The following ZNF184 variants were observed in gnomAD, a reference collection of about 807,000 sequenced individuals.
The protein encoded by ZNF184 is zinc finger protein 184 (Kruppel-like).
Under a neutral mutation model 54.4 loss-of-function variants are expected in ZNF184, and 16 were observed. That is an observed-to-expected ratio of 0.29 (90% CI 0.20 to 0.45). The LOEUF is 0.45. ZNF184 is among the 20% of genes least tolerant of loss of function. The pLI is 1.00. For missense variants in ZNF184, 681 were observed against 888.2 expected, an observed-to-expected ratio of 0.77 and a Z score of 2.97; for synonymous variants, 254 against 295.3, an observed-to-expected ratio of 0.86 and a Z score of 1.43.
chr6:27,447,200 C>T (rs1483434309), downstream of ZNF184, among the ~76,000 whole-genome samples: 1 of 151,970 alleles, frequency 6.6e-6, no homozygotes, highest in Non-Finnish European at 1.5e-5. Context: ...TTGACTACAA[C>T]CCACATCTGA....
chr6:27,436,918 A>T, the ZNF184 span, among the ~76,000 whole-genome samples: 1 of 152,218 alleles, frequency 6.6e-6, no homozygotes, highest in African/African-American at 2.4e-5. Context: ...TTGGAGGCAC[A>T]AATAAAATTC....
At position 27,451,309 on chromosome 6, in the gene ZNF184, G is replaced by T; in HGVS notation, c.2250C>A (p.Gly750=). The part of the protein sequence containing the change: ...ALNKHQRLHP[G]I The stretch of plus-strand genomic sequence containing the variant: ...TATGATGTTCCTAGAATTGTCATAT[G>T]CCAGGATGCAGTCTCTGATGTTTGT... The change falls in exon 6 of 6, where the codon GGC becomes GGA. Residue 750 remains glycine, a synonymous_variant. Transcript: ENST00000683788. 1 of 1,586,572 alleles carries T rather than the reference G, an allele frequency of 6.3e-7. No individual in the cohort carries two copies. Among genetic ancestry groups the T allele is most frequent in the South Asian group, 1.2e-5 (1 of 86,886 alleles).
the ZNF184 span, among the ~76,000 whole-genome samples, chr6:27,422,140 C>CA: frequency 2.4e-4 from 7 of 29,350 alleles, 1 homozygote; most frequent in East Asian, 2.3e-3. Context: ...GGCCGTACCT[C>CA]AAAAAAAAAA....
the ZNF184 span, among the ~76,000 whole-genome samples, chr6:27,416,296 A>G: frequency 6.6e-6 from 1 of 152,226 alleles, no homozygotes; most frequent in African/African-American, 2.4e-5. Flanking sequence ...AAGAGATGGC[A>G]TATGTTTAGA....
the ZNF184 span, among the ~76,000 whole-genome samples, chr6:27,434,046 G>T: frequency 2.2e-5 from 3 of 136,216 alleles, no homozygotes; most frequent in Admixed American, 2.4e-4. Flanking sequence ...TTTGAGACAG[G>T]GTCTTGCTTT....
At chr6:27,443,084 G>T in the ZNF184 span, among the ~76,000 whole-genome samples, 2 of 152,234 alleles carry the variant, frequency 1.3e-5, no homozygotes, top group Non-Finnish European at 2.9e-5. Context: ...CACAATGATG[G>T]AATTCACAAG....
chr6:27,422,212 G>GAAAGA, the ZNF184 span, among the ~76,000 whole-genome samples: 211 of 111,994 alleles, frequency 1.9e-3, 6 homozygotes, highest in African/African-American at 5.9e-3. Flanking sequence ...AAGAAAGAAA[G>GAAAGA]AAAGAAAAGA....
At chr6:27,410,084 A>C in the ZNF184 span, among the ~76,000 whole-genome samples, 1 of 152,240 alleles carries the variant, frequency 6.6e-6, no homozygotes, top group Admixed American at 6.5e-5. Flanking sequence ...CATATAGTCT[A>C]GGTGTGTAGT....
the ZNF184 span, among the ~76,000 whole-genome samples, chr6:27,423,670 T>A: frequency 6.6e-6 from 1 of 152,034 alleles, no homozygotes; most frequent in Non-Finnish European, 1.5e-5. Context: ...GCTCAGATCA[T>A]CCCTGGGCAT....
At chr6:27,471,522 T>C (rs889552324) in intron 2 of ZNF184, among the ~76,000 whole-genome samples, 1 of 152,200 alleles carries the variant, frequency 6.6e-6, no homozygotes, top group Non-Finnish European at 1.5e-5. Flanking sequence ...TAGTACATTA[T>C]CCTCTCAGGT....
the ZNF184 span, among the ~76,000 whole-genome samples, chr6:27,411,918 C>T: frequency 6.6e-6 from 1 of 152,146 alleles, no homozygotes. Flanking sequence ...GGTGGGAATC[C>T]CAGTAGGTGA....
chr6:27,446,595 G>A (rs771881051), downstream of ZNF184, among the ~76,000 whole-genome samples: 3 of 152,272 alleles, frequency 2.0e-5, no homozygotes, highest in East Asian at 5.8e-4. Context: ...GTGGAAATGC[G>A]GGGTCAGAGC....
the ZNF184 span, chr6:27,407,961 AT>A: frequency 6.6e-7 from 1 of 1,509,482 alleles, no homozygotes; most frequent in East Asian, 2.3e-5. Flanking sequence ...TGATGGATAC[AT>A]TGACTATGCT....
the ZNF184 span, among the ~76,000 whole-genome samples, chr6:27,424,591 TAC>T: frequency 2.0e-5 from 3 of 152,192 alleles, no homozygotes; most frequent in African/African-American, 7.2e-5. Flanking sequence ...AGTAGCTAGA[TAC>T]AGAGTGTCGA....
intron 3 of ZNF184, among the ~76,000 whole-genome samples, chr6:27,464,516 T>A (rs1490438026): frequency 1.4e-5 from 2 of 147,406 alleles, no homozygotes; most frequent in Admixed American, 6.7e-5. Flanking sequence ...TAAAATAGAA[T>A]CATAAGCATA....
At chr6:27,444,045 T>C in the ZNF184 span, among the ~76,000 whole-genome samples, 2 of 152,212 alleles carry the variant, frequency 1.3e-5, no homozygotes, top group Non-Finnish European at 2.9e-5. Flanking sequence ...TGAAAGGAGA[T>C]ACCCTTTGAG....
At chr6:27,410,197 A>G in the ZNF184 span, among the ~76,000 whole-genome samples, 4 of 152,232 alleles carry the variant, frequency 2.6e-5, no homozygotes. Flanking sequence ...ATTAAGTGAC[A>G]TGACTGTAAT....
chr6:27,471,855 G>A lies in ZNF184; in HGVS notation c.7+433C>T, dbSNP rs1763284698. On this transcript the variant is annotated intron_variant, in intron 2 of 5. Transcript: ENST00000683788. ...GAAACTAAAAAAGAAAGCCAACAAG[G>A]GAATAGTCTGCACCCAAAATGGCGA... Among the ~76,000 whole-genome samples, 3 of 152,128 alleles carry A rather than the reference G, an allele frequency of 2.0e-5. No individual in the cohort carries two copies. In the South Asian group the frequency reaches 6.2e-4, roughly 32 times the overall value.
chr6:27,469,305 T>C (rs1763215455), intron 2 of ZNF184, among the ~76,000 whole-genome samples: 1 of 152,178 alleles, frequency 6.6e-6, no homozygotes, highest in Non-Finnish European at 1.5e-5. Context: ...AAATTTAATG[T>C]ATGCAGAAAG....
Sources: gnomAD v4.1 joint callset for allele counts (sites outside exome capture counted in the v4.1 genomes callset) on GRCh38, gnomAD v4.1.1 for gene constraint, MANE v1.5 for transcripts, NCBI Gene and HGNC (gene_info 2026-07-23, HGNC 2026-07-21) for gene names.